The following AUH variants were observed in gnomAD, a reference collection of about 807,000 sequenced individuals.
AUH encodes the protein methylglutaconyl-CoA hydratase, mitochondrial.
In AUH, 29 loss-of-function variants were observed where a neutral mutation model predicts 42.3. The observed-to-expected ratio is 0.69, with a 90% confidence interval of 0.51 to 0.93. The LOEUF (loss-of-function observed/expected upper bound fraction) is 0.93. Among genes scored for constraint, AUH ranks in the 40% least tolerant of loss-of-function variants. The pLI, the probability that AUH is intolerant of heterozygous loss-of-function variation, is 0.00. For synonymous variants in AUH, 174 were observed against 166.4 expected (o/e 1.05, Z -0.35); for missense variants, 452 against 438.1 (o/e 1.03, Z -0.28).
chr9:91,228,890 C>A (rs1827690702), intron 6 of AUH, among the ~76,000 whole-genome samples: 1 of 152,178 alleles, frequency 6.6e-6, no homozygotes, highest in African/African-American at 2.4e-5. Context: ...ATCCTGAGTT[C>A]TAGTTTGATT....
rs546725642 is a variant in AUH, at chr9:91,243,721, G to A, written c.656-22729C>T. On this transcript the variant is annotated intron_variant, in intron 6 of 9. Transcript: ENST00000375731. ...GCACCTTCTGGGGTCTCCTGCTGGA[G>A]ATCAGCCCGGGTGGAGCAGCCCACT... 4.0e-3 allele frequency among the ~76,000 whole-genome samples: 607 copies of A among 152,324 alleles called. 1 individual carries two copies. The highest frequency in any genetic ancestry group is 7.6e-3 in the Admixed American group (116 of 15,306).
intron 7 of AUH, chr9:91,219,045 A>C: frequency 1.0e-6 from 1 of 985,376 alleles, no homozygotes; most frequent in Non-Finnish European, 1.2e-6. Context: ...AGGGACTGTG[A>C]TGACGGCTGG....
intron 6 of AUH, among the ~76,000 whole-genome samples, chr9:91,276,317 G>A (rs1203582774): frequency 6.6e-6 from 1 of 151,414 alleles, no homozygotes; most frequent in Non-Finnish European, 1.5e-5. Context: ...TGTAATCCCA[G>A]CTACTTGAGA....
At chr9:91,240,674 G>C (rs899009315) in intron 6 of AUH, among the ~76,000 whole-genome samples, 2 of 151,678 alleles carry the variant, frequency 1.3e-5, no homozygotes, top group Non-Finnish European at 2.9e-5. Flanking sequence ...AGTTCATTCT[G>C]ATCAATTTAA....
rs1448218753 is a variant in AUH, at chr9:91,220,866, T to C, written c.782A>G (p.Asn261Ser). The C allele has an allele frequency of 3.1e-5, 50 of 1,614,142 alleles. No homozygotes were observed. Among genetic ancestry groups the C allele is most frequent in the Non-Finnish European group, 4.2e-5 (49 of 1,180,058 alleles). The change falls in exon 7 of 10, where the codon AAC (asparagine) becomes AGC (serine). Residue 261 changes from asparagine to serine, a missense_variant. By Grantham distance (46) the Asn-to-Ser change is conservative. Transcript: ENST00000375731. ...CCTGTAGGCCGCGTCTCCCTCCTGG[T>C]TCTGTTCCAGAACGTGGCTGATTAA... ...VGLISHVLEQ[N>S]QEGDAAYRKA... is the part of the protein sequence containing the mutation.
At chr9:91,279,466 T>C (rs2131555520) in intron 6 of AUH, among the ~76,000 whole-genome samples, 1 of 152,326 alleles carries the variant, frequency 6.6e-6, no homozygotes, top group East Asian at 1.9e-4. Flanking sequence ...CTCCCAGTTC[T>C]GCAGGCTGTA....
At chr9:91,218,955 G>T in intron 7 of AUH, 1 of 985,244 alleles carries the variant, frequency 1.0e-6, no homozygotes, top group Non-Finnish European at 1.2e-6. Flanking sequence ...TTATTTGTTT[G>T]ACCTGGAGGA....
At chr9:91,268,982 A>G (rs1288476485) in intron 6 of AUH, among the ~76,000 whole-genome samples, 1 of 144,810 alleles carries the variant, frequency 6.9e-6, no homozygotes, top group Non-Finnish European at 1.5e-5. Flanking sequence ...GATAATTAAC[A>G]CTTTCTTTTT....
intron 6 of AUH, among the ~76,000 whole-genome samples, chr9:91,221,842 G>C (rs1025378370): frequency 6.6e-6 from 1 of 152,082 alleles, no homozygotes; most frequent in Non-Finnish European, 1.5e-5. Flanking sequence ...ATTCACTTCA[G>C]TATCTTCCAG....
chr9:91,302,323 C>T (rs1024298696), intron 4 of AUH, among the ~76,000 whole-genome samples: 1 of 152,046 alleles, frequency 6.6e-6, no homozygotes, highest in African/African-American at 2.4e-5. Context: ...CAAAAATTGG[C>T]TCACGCCTGT....
intron 6 of AUH, among the ~76,000 whole-genome samples, chr9:91,231,580 T>G (rs1827885759): frequency 6.6e-6 from 1 of 152,150 alleles, no homozygotes; most frequent in Non-Finnish European, 1.5e-5. Flanking sequence ...AAGTGCCACT[T>G]CTAAACAGTC....
chr9:91,295,142 T>C (rs1028042383), intron 6 of AUH, among the ~76,000 whole-genome samples: 6 of 152,178 alleles, frequency 3.9e-5, no homozygotes, highest in African/African-American at 1.4e-4. Context: ...TGCCTCTACG[T>C]AAGACATGCC....
At chr9:91,349,920 T>C (rs1461736302) in intron 3 of AUH, among the ~76,000 whole-genome samples, 1 of 152,162 alleles carries the variant, frequency 6.6e-6, no homozygotes, top group South Asian at 2.1e-4. Context: ...TGTTCTAATC[T>C]ACAAGAAAGA....
At chr9:91,235,591 A>G (rs77696699) in intron 6 of AUH, among the ~76,000 whole-genome samples, 26,837 of 152,108 alleles carry the variant, frequency 0.18, 2,499 homozygotes, top group East Asian at 0.27. Context: ...CAAGGTCCTG[A>G]ATAAGATCAC....
Position 91,271,404 on chromosome 9 carries a change from T to C in AUH, c.655+24617A>G, listed in dbSNP as rs541088254. Among the ~76,000 whole-genome samples, 270 of 152,370 alleles carry C rather than the reference T, an allele frequency of 1.8e-3. 1 individual carries two copies. Among genetic ancestry groups the C allele is most frequent in the African/African-American group, 5.8e-3 (240 of 41,582 alleles). On this transcript the variant is annotated intron_variant, in intron 6 of 9. Coordinates refer to ENST00000375731, the MANE Select transcript of AUH (RefSeq NM_001698.3). ...AGTTATATTTCACACAGAGTAATTATAGCAAATGGCATTCAGGCTTAATGT... is the reference window on the plus strand; with the variant it reads ...AGTTATATTTCACACAGAGTAATTACAGCAAATGGCATTCAGGCTTAATGT...
chr9:91,320,815 A>G (rs369579398), intron 4 of AUH, among the ~76,000 whole-genome samples: 15 of 152,240 alleles, frequency 9.9e-5, no homozygotes, highest in Non-Finnish European at 2.1e-4. Context: ...ATGAGAATAC[A>G]TAAGTTGGGG....
chr9:91,253,986 T>C (rs1429577013), intron 6 of AUH, among the ~76,000 whole-genome samples: 1 of 151,946 alleles, frequency 6.6e-6, no homozygotes, highest in Non-Finnish European at 1.5e-5. Flanking sequence ...ATAATTACAT[T>C]TCCAACTAAT....
At chr9:91,245,511 C>A (rs143809890) in intron 6 of AUH, among the ~76,000 whole-genome samples, 6 of 152,240 alleles carry the variant, frequency 3.9e-5, no homozygotes, top group Non-Finnish European at 7.4e-5. Flanking sequence ...TCACCCCCAA[C>A]AATTAAGCAA....
chr9:91,224,328 T>C (rs556419097), intron 6 of AUH, among the ~76,000 whole-genome samples: 2 of 152,350 alleles, frequency 1.3e-5, no homozygotes, highest in East Asian at 3.9e-4. Context: ...TTTGTTGAGT[T>C]ACAGGAGTTC....
Sources: allele counts gnomAD v4.1 joint callset (sites outside exome capture counted in the v4.1 genomes callset), GRCh38; gene constraint gnomAD v4.1.1; transcripts MANE v1.5; gene names NCBI Gene and HGNC (gene_info 2026-07-23, HGNC 2026-07-21).